SSX2IP: variants seen among roughly 807,000 people sequenced by gnomAD.
The protein encoded by SSX2IP is SSX family member 2 interacting protein.
Under a neutral mutation model 84.9 loss-of-function variants are expected in SSX2IP, and 55 were observed. That is an observed-to-expected ratio of 0.65 (90% confidence interval 0.52 to 0.81). The LOEUF is 0.81. Ranked by LOEUF, SSX2IP falls within the 30% of genes least tolerant of loss-of-function variation. The pLI is 0.00. For missense variants in SSX2IP, 664 were observed against 705.2 expected, an observed-to-expected ratio of 0.94 and a Z score of 0.66; for synonymous variants, 239 against 234.7, an observed-to-expected ratio of 1.02 and a Z score of -0.17.
chr1:84,670,417 C>A (rs753964455), intron 3 of SSX2IP: 8 of 289,534 alleles, frequency 2.8e-5, no homozygotes, highest in Non-Finnish European at 4.5e-5. Flanking sequence ...GATGGCTGGA[C>A]TCTCAGTGGA....
rs140948942 is a variant in SSX2IP, at chr1:84,660,691, A to G, written c.927+1507T>C. Among the ~76,000 whole-genome samples, 647 of 151,760 alleles carry G rather than the reference A, an allele frequency of 4.3e-3. 4 individuals are homozygous for G. The highest frequency in any genetic ancestry group is 0.015 in the African/African-American group (631 of 41,372). On this transcript the variant is annotated intron_variant, in intron 8 of 13. Coordinates refer to ENST00000342203, the MANE Select transcript of SSX2IP (RefSeq NM_001166293.2). ...GAGGCAGGAGAATTGCTTGAACCCGAGAGGCAGAGATTGCAGTGAGGTGAG... is the reference window on the plus strand; with the variant it reads ...GAGGCAGGAGAATTGCTTGAACCCGGGAGGCAGAGATTGCAGTGAGGTGAG...
intron 1 of SSX2IP, among the ~76,000 whole-genome samples, chr1:84,688,109 A>G (rs925714578): frequency 6.6e-6 from 1 of 152,210 alleles, no homozygotes; most frequent in African/African-American, 2.4e-5. Context: ...TGTTTATTGA[A>G]AGAATTACTA....
At chr1:84,687,357 G>C (rs1437990342) in intron 1 of SSX2IP, among the ~76,000 whole-genome samples, 1 of 152,164 alleles carries the variant, frequency 6.6e-6, no homozygotes, top group African/African-American at 2.4e-5. Context: ...TTGCTAATTT[G>C]AAAGACTATT....
chr1:84,647,319 A>C lies in SSX2IP; in HGVS notation c.*114T>G. ...GGGGAAGACAGGGAAGTCCAAACAA[A>C]CAACTCAGACCATCTTAAGTTATTA... On this transcript the variant is annotated 3_prime_UTR_variant, in exon 14 of 14. Transcript: ENST00000342203. 1 of 912,788 alleles carries C rather than the reference A, an allele frequency of 1.1e-6. No homozygotes were observed. The highest frequency in any genetic ancestry group is 2.6e-5 in the South Asian group (1 of 39,204). 56.5% of individuals were successfully genotyped at this position (912,788 alleles called of 1,614,324 possible). A position where few individuals can be genotyped will look rare whatever the true frequency, so the allele number is the denominator to read the frequency against.
chr1:84,657,538 A>C lies in SSX2IP; in HGVS notation c.1078+780T>G, dbSNP rs141742720. Among the ~76,000 whole-genome samples, 279 of 152,036 alleles carry C rather than the reference A, an allele frequency of 1.8e-3. 2 individuals carry two copies. The highest frequency in any genetic ancestry group is 6.4e-3 in the African/African-American group (264 of 41,376). On this transcript the variant is annotated intron_variant, in intron 9 of 13. Transcript: ENST00000342203. ...AATGTTCCTATCTATACTACGATAA[A>C]TATTTCTTGATTTTTGAGAGTCAGT... is the stretch of plus-strand genomic sequence containing the variant.
At chr1:84,664,986 G>A (rs188114103) in intron 5 of SSX2IP, among the ~76,000 whole-genome samples, 340 of 152,196 alleles carry the variant, frequency 2.2e-3, no homozygotes, top group African/African-American at 7.8e-3. Context: ...AAGCAGGCTC[G>A]TTTTTCTAAT....
At chr1:84,650,609 C>T in intron 12 of SSX2IP, 82 bp from the exon 13 acceptor site, 15 of 1,403,750 alleles carry the variant, frequency 1.1e-5, no homozygotes, top group African/African-American at 1.4e-5. Flanking sequence ...CAGGATGATT[C>T]ATCTGCGGTT....
At chr1:84,663,417 TAACTA>T (rs906267207) in intron 6 of SSX2IP, among the ~76,000 whole-genome samples, 2 of 152,174 alleles carry the variant, frequency 1.3e-5, no homozygotes, top group African/African-American at 4.8e-5. Flanking sequence ...AATATGAGGC[TAACTA>T]AACTTAAAAA....
intron 1 of SSX2IP, among the ~76,000 whole-genome samples, chr1:84,679,968 T>C (rs1269327567): frequency 2.0e-5 from 3 of 152,196 alleles, no homozygotes; most frequent in East Asian, 1.9e-4. Flanking sequence ...TCACATATTG[T>C]TGCTTCAGTG....
At chr1:84,652,136 A>C in intron 11 of SSX2IP, 139 bp from the exon 12 acceptor site, 1 of 627,346 alleles carries the variant, frequency 1.6e-6, no homozygotes. Context: ...TTAACCTAAA[A>C]AACTAAAAAT....
At chr1:84,654,656 TG>T (rs1208525435) in intron 11 of SSX2IP, among the ~76,000 whole-genome samples, 2 of 152,190 alleles carry the variant, frequency 1.3e-5, no homozygotes, top group East Asian at 3.9e-4. Flanking sequence ...CACTAGATAG[TG>T]ATATATCTCT....
At chr1:84,689,908 A>G (rs1656346864) in intron 1 of SSX2IP, among the ~76,000 whole-genome samples, 1 of 152,156 alleles carries the variant, frequency 6.6e-6, no homozygotes, top group Non-Finnish European at 1.5e-5. Flanking sequence ...AACTCGTTTT[A>G]AAGACTGCCT....
rs192735353 is a variant in SSX2IP, at chr1:84,680,685, G to T, written c.-89-9377C>A. ...AACAAATATCAGTAGATATGTACAGGCATAAATTCTGCTCTATAAACACAA... is the reference window on the plus strand; with the variant it reads ...AACAAATATCAGTAGATATGTACAGTCATAAATTCTGCTCTATAAACACAA... On this transcript the variant is annotated intron_variant, in intron 1 of 13. Coordinates refer to ENST00000342203, the MANE Select transcript of SSX2IP (RefSeq NM_001166293.2). Among the ~76,000 whole-genome samples the T allele has an allele frequency of 1.1e-4, 17 of 152,142 alleles. 1 individual carries two copies. Among genetic ancestry groups the T allele is most frequent in the Admixed American group, 9.2e-4 (14 of 15,282 alleles).
Position 84,658,432 on chromosome 1 carries a change from T to G in SSX2IP, c.964A>C (p.Ser322Arg). The G allele has an allele frequency of 6.2e-7, 1 of 1,614,132 alleles. No individual in the cohort carries two copies. Among genetic ancestry groups the G allele is most frequent in the Non-Finnish European group, 8.5e-7 (1 of 1,179,990 alleles). Residue 322 changes from serine to arginine, a missense_variant, in exon 9 of 14, where the codon AGC becomes CGC. By Grantham distance (110) the Ser-to-Arg change is moderately radical. Transcript: ENST00000342203. ...SDVEEDAGEL[S>R]RESMWDLSCE... ...GAAAGGTCCCACATACTCTCTCTGCTTAGTTCCCCGGCATCTTCTTCAACA... is the reference window on the plus strand; with the variant it reads ...GAAAGGTCCCACATACTCTCTCTGCGTAGTTCCCCGGCATCTTCTTCAACA...
intron 1 of SSX2IP, among the ~76,000 whole-genome samples, chr1:84,678,473 T>C (rs1327522589): frequency 6.6e-6 from 1 of 152,172 alleles, no homozygotes; most frequent in Non-Finnish European, 1.5e-5. Context: ...CTCTAAGCCC[T>C]CCATATACTT....
chr1:84,686,313 G>A (rs1446367175), intron 1 of SSX2IP, among the ~76,000 whole-genome samples: 1 of 152,180 alleles, frequency 6.6e-6, no homozygotes, highest in East Asian at 1.9e-4. Flanking sequence ...CAGTGACTGA[G>A]GATAGTGAAG....
At chr1:84,650,852 C>A (rs532572028) in intron 12 of SSX2IP, among the ~76,000 whole-genome samples, 1 of 152,106 alleles carries the variant, frequency 6.6e-6, no homozygotes, top group South Asian at 2.1e-4. Context: ...CTACAGGGGC[C>A]CGCCACCATG....
At chr1:84,675,552 G>A (rs887137335) in intron 1 of SSX2IP, among the ~76,000 whole-genome samples, 1 of 152,078 alleles carries the variant, frequency 6.6e-6, no homozygotes, top group Non-Finnish European at 1.5e-5. Flanking sequence ...ATTCCTTGTG[G>A]GCCTCAAGGT....
intron 13 of SSX2IP, among the ~76,000 whole-genome samples, chr1:84,649,055 G>A (rs895912528): frequency 7.9e-5 from 12 of 152,050 alleles, no homozygotes; most frequent in Non-Finnish European, 4.4e-5. Context: ...TAAAACTAGT[G>A]TTTTTTCTAT....
Sources: allele counts gnomAD v4.1 joint callset (sites outside exome capture counted in the v4.1 genomes callset), GRCh38; gene constraint gnomAD v4.1.1; transcripts MANE v1.5; gene names NCBI Gene and HGNC (gene_info 2026-07-23, HGNC 2026-07-21).